TOP1: variants seen among roughly 807,000 people sequenced by gnomAD.
TOP1 encodes the protein DNA topoisomerase 1.
In TOP1, 10 loss-of-function variants were observed where a neutral mutation model predicts 111.1. The ratio of observed to expected loss-of-function variants is 0.09; its 90% CI spans 0.06 to 0.15. TOP1 has a LOEUF of 0.15. TOP1 is among the 10% of genes least tolerant of loss of function. TOP1 has a pLI of 1.00. For missense variants in TOP1, 474 were observed against 926.7 expected (o/e 0.51, Z 6.34); for synonymous variants, 271 against 302.9 (o/e 0.89, Z 1.10).
At position 41,076,332 on chromosome 20, in the gene TOP1, T is replaced by G. The variant is rs1251531529; in HGVS notation, c.279+38T>G. 3 of 1,573,176 alleles carry G rather than the reference T, an allele frequency of 1.9e-6. No individual in the cohort carries two copies. In the African/African-American group the frequency reaches 4.1e-5, roughly 22 times the overall value. ...CTAGTAGGGGAGGAAGGAACGTGGA[T>G]GCACTTTTGTTTACCTTTGAAAGCA... On this transcript the variant is annotated intron_variant, in intron 4 of 20. Coordinates refer to ENST00000361337, the MANE Select transcript of TOP1 (RefSeq NM_003286.4).
At position 41,110,838 on chromosome 20, in the gene TOP1, G is replaced by C. The variant is rs910452753; in HGVS notation, c.1309-1944G>C. ...TTTCTAAAAGTAGTCAAGAAAGCTT[G>C]TTCAGGGCATTGAACACTGCAGGGA... On this transcript the variant is annotated intron_variant, in intron 13 of 20. Coordinates refer to ENST00000361337, the MANE Select transcript of TOP1 (RefSeq NM_003286.4). This position sits in a 1 kb window ranked among gnomAD's most constrained non-coding sequence, Gnocchi z 4.2. Among the ~76,000 whole-genome samples, 7 of 152,174 alleles carry C rather than the reference G, an allele frequency of 4.6e-5. No individual in the cohort carries two copies. Among genetic ancestry groups the C allele is most frequent in the Non-Finnish European group, 7.3e-5 (5 of 68,030 alleles).
intron 2 of TOP1, among the ~76,000 whole-genome samples, chr20:41,043,600 G>C (rs762630325): frequency 6.6e-6 from 1 of 152,182 alleles, no homozygotes; most frequent in Non-Finnish European, 1.5e-5. Flanking sequence ...AGGTCCCTTG[G>C]TTGAATTAGT....
At chr20:41,085,469 T>C (rs1038026209) in intron 8 of TOP1, among the ~76,000 whole-genome samples, 1 of 152,238 alleles carries the variant, frequency 6.6e-6, no homozygotes, top group African/African-American at 2.4e-5. Flanking sequence ...TTTTCTACTT[T>C]TGCTGTTTAG....
At position 41,029,295 on chromosome 20, in the gene TOP1, G is replaced by T. The variant is rs914395153; in HGVS notation, c.34-136G>T. The stretch of plus-strand genomic sequence containing the variant: ...CGAAGTTACAGTTCGAGGCAGGGAT[G>T]GCTGCCCTCTGTGGCCACCCCCGGG... On this transcript the variant is annotated intron_variant, in intron 1 of 20. Transcript: ENST00000361337. This position sits in a 1 kb window ranked among gnomAD's most constrained non-coding sequence, Gnocchi z 6.1. 36 of 838,564 alleles carry T rather than the reference G, an allele frequency of 4.3e-5. No homozygotes were observed. The African/African-American group carries it at 6.3e-4, about 15-fold the overall frequency. The allele number at this position is 838,564 out of a possible 1,614,324, so 51.9% of individuals were successfully genotyped here.
At position 41,094,132 on chromosome 20, in the gene TOP1, A is replaced by T. The variant is rs552802784; in HGVS notation, c.730+1545A>T. The stretch of plus-strand genomic sequence containing the variant: ...GTCAGACACCAAGACCCAGCAGTGG[A>T]TAGTACTACTGACTTAGACCCTGAT... On this transcript the variant is annotated intron_variant, in intron 9 of 20. Transcript: ENST00000361337. The surrounding 1 kb of genome is among the most constrained non-coding windows in gnomAD (Gnocchi z 4.4). 1.7e-4 allele frequency among the ~76,000 whole-genome samples: 26 copies of T among 152,294 alleles called. No homozygotes were observed. Among genetic ancestry groups the T allele is most frequent in the Non-Finnish European group, 3.1e-4 (21 of 68,024 alleles).
chr20:41,064,020 G>A (rs917079966), intron 3 of TOP1, among the ~76,000 whole-genome samples: 5 of 151,860 alleles, frequency 3.3e-5, no homozygotes, highest in Admixed American at 6.5e-5. Context: ...CTAGGTTGTC[G>A]TCTAGGGTTT....
chr20:41,076,103 A>G, intron 3 of TOP1, 68 bp from the exon 4 acceptor site: 1 of 1,533,016 alleles, frequency 6.5e-7, no homozygotes, highest in South Asian at 1.3e-5. Context: ...TTATCTTAGG[A>G]TATCTTGTGA....
intron 3 of TOP1, among the ~76,000 whole-genome samples, chr20:41,064,007 T>G (rs2033577391): frequency 6.6e-6 from 1 of 152,008 alleles, no homozygotes; most frequent in South Asian, 2.1e-4. Context: ...AGAATGGTAT[T>G]GCCTAGGTTG....
chr20:41,082,561 G>T lies in TOP1; in HGVS notation c.507+1321G>T, dbSNP rs1455906033. Among the ~76,000 whole-genome samples the T allele has an allele frequency of 2.0e-5, 3 of 152,178 alleles. No homozygotes were observed. The highest frequency in any genetic ancestry group is 2.9e-5 in the Non-Finnish European group (2 of 68,030). ...GGGACTTTGCTGATGCTCTAATTCT[G>T]CAAGGAGGGAGAAGAAAGGTCTTTA... On this transcript the variant is annotated intron_variant, in intron 7 of 20. Coordinates refer to ENST00000361337, the MANE Select transcript of TOP1 (RefSeq NM_003286.4). The surrounding 1 kb of genome is among the most constrained non-coding windows in gnomAD (Gnocchi z 4.1).
At chr20:41,066,203 C>T (rs2033604527) in intron 3 of TOP1, among the ~76,000 whole-genome samples, 1 of 151,522 alleles carries the variant, frequency 6.6e-6, no homozygotes, top group Admixed American at 6.6e-5. Flanking sequence ...ACATAAAGGG[C>T]TTTGAGACAT....
At position 41,082,438 on chromosome 20, in the gene TOP1, A is replaced by C. The variant is rs2033799187; in HGVS notation, c.507+1198A>C. Among the ~76,000 whole-genome samples, 1 of 152,184 alleles carries C rather than the reference A, an allele frequency of 6.6e-6. No homozygotes were observed. The highest frequency in any genetic ancestry group is 6.5e-5 in the Admixed American group (1 of 15,276). On this transcript the variant is annotated intron_variant, in intron 7 of 20. Coordinates refer to ENST00000361337, the MANE Select transcript of TOP1 (RefSeq NM_003286.4). This position sits in a 1 kb window ranked among gnomAD's most constrained non-coding sequence, Gnocchi z 4.1. ...ATAGAAATATTTAATCATTTGCCTG[A>C]GGTCACATAGCTACTAAGGTGGAAA... is the stretch of plus-strand genomic sequence containing the variant.
Position 41,109,930 on chromosome 20 carries a change from ATATT to A in TOP1, c.1309-2848_1309-2845del, listed in dbSNP as rs1364559282. On this transcript the variant is annotated intron_variant, in intron 13 of 20. Coordinates refer to ENST00000361337, the MANE Select transcript of TOP1 (RefSeq NM_003286.4). This position sits in a 1 kb window ranked among gnomAD's most constrained non-coding sequence, Gnocchi z 4.1. ...TTATGGTATAGTCATAGAATATACT[ATATT>A]TATCAGCAGTTAAGAAGGGAACTAC... 6.6e-6 allele frequency among the ~76,000 whole-genome samples: 1 copy of A among 152,256 alleles called. No homozygotes were observed. Among genetic ancestry groups the A allele is most frequent in the African/African-American group, 2.4e-5 (1 of 41,466 alleles).
chr20:41,105,533 T>G (rs992734670), intron 13 of TOP1, among the ~76,000 whole-genome samples: 5 of 152,268 alleles, frequency 3.3e-5, no homozygotes, highest in African/African-American at 1.2e-4. Context: ...GTCTTCGCTC[T>G]GTCACCCAGG....
At chr20:41,042,296 T>G (rs1388828914) in intron 2 of TOP1, among the ~76,000 whole-genome samples, 1 of 152,108 alleles carries the variant, frequency 6.6e-6, no homozygotes, top group African/African-American at 2.4e-5. Flanking sequence ...AAGTTATAGT[T>G]TCTACCTTTC....
intron 2 of TOP1, among the ~76,000 whole-genome samples, chr20:41,050,538 C>G (rs1350388027): frequency 6.6e-6 from 1 of 152,174 alleles, no homozygotes; most frequent in Non-Finnish European, 1.5e-5. Flanking sequence ...AAATTGAAAC[C>G]AGCCACCATT....
chr20:41,062,895 A>G (rs1026879181), intron 3 of TOP1, among the ~76,000 whole-genome samples: 2 of 152,200 alleles, frequency 1.3e-5, no homozygotes, highest in Admixed American at 6.5e-5. Flanking sequence ...ATCCAACAAT[A>G]TTAGAATTTT....
chr20:41,111,831 T>C (rs558403331), intron 13 of TOP1, among the ~76,000 whole-genome samples: 1 of 152,288 alleles, frequency 6.6e-6, no homozygotes, highest in East Asian at 1.9e-4. Context: ...TAGTCTGTTT[T>C]ATGCTGTTTT....
At chr20:41,096,676 A>G (rs2145948683) in intron 9 of TOP1, among the ~76,000 whole-genome samples, 1 of 152,310 alleles carries the variant, frequency 6.6e-6, no homozygotes, top group East Asian at 1.9e-4. Flanking sequence ...GGCTTTTCAT[A>G]TGGGAAATCT....
In TOP1 at chr20:41,058,917, A is replaced by G. The variant is rs1196248587; in HGVS notation, c.59-2477A>G. 1.3e-5 allele frequency among the ~76,000 whole-genome samples: 2 copies of G among 152,070 alleles called. No homozygotes were observed. The highest frequency in any genetic ancestry group is 4.8e-5 in the African/African-American group (2 of 41,416). On this transcript the variant is annotated intron_variant, in intron 2 of 20. Coordinates refer to ENST00000361337, the MANE Select transcript of TOP1 (RefSeq NM_003286.4). This position sits in a 1 kb window ranked among gnomAD's most constrained non-coding sequence, Gnocchi z 4.2. ...TAGCAGAAACATGGAATCAACCTCA[A>G]TTTTCATTAATGGTAGACTGGATTA... is the stretch of plus-strand genomic sequence containing the variant.
Sources: gnomAD v4.1 joint callset for allele counts (sites outside exome capture counted in the v4.1 genomes callset) on GRCh38, gnomAD v4.1.1 for gene constraint, Gnocchi (gnomAD v3.1) non-coding constraint, MANE v1.5 for transcripts, NCBI Gene and HGNC (gene_info 2026-07-23, HGNC 2026-07-21) for gene names.